The following MLLT3 variants were observed in gnomAD, a reference collection of about 807,000 sequenced individuals.
The protein encoded by MLLT3 is protein AF-9.
A neutral mutation model predicts 53.2 loss-of-function variants in MLLT3; 4 were observed. That is an observed-to-expected ratio of 0.08 (90% CI 0.04 to 0.17). The LOEUF (loss-of-function observed/expected upper bound fraction) is 0.17, where lower values mean the gene tolerates loss of function less well. MLLT3 is among the 10% of genes least tolerant of loss of function. The pLI is 1.00. For synonymous variants in MLLT3, 283 were observed against 230.6 expected (o/e 1.23, Z -2.06); for missense variants, 569 against 684.0 (o/e 0.83, Z 1.87).
At chr9:20,458,783 A>T (rs1246895836) in intron 2 of MLLT3, among the ~76,000 whole-genome samples, 1 of 152,198 alleles carries the variant, frequency 6.6e-6, no homozygotes, top group African/African-American at 2.4e-5. Flanking sequence ...TACTTTGTTA[A>T]AGCATCCTGA....
intron 2 of MLLT3, among the ~76,000 whole-genome samples, chr9:20,587,069 A>G (rs1587103109): frequency 2.0e-5 from 3 of 152,288 alleles, no homozygotes; most frequent in Admixed American, 2.0e-4. Flanking sequence ...ACAAAATAAA[A>G]GACTTGATTC....
intron 2 of MLLT3, among the ~76,000 whole-genome samples, chr9:20,501,094 G>C (rs1380185524): frequency 1.3e-5 from 2 of 152,110 alleles, no homozygotes; most frequent in Non-Finnish European, 1.5e-5. Context: ...ACCAATTATG[G>C]TTCATGGTAT....
intron 8 of MLLT3, among the ~76,000 whole-genome samples, chr9:20,358,736 G>C (rs1435720041): frequency 6.6e-6 from 1 of 151,746 alleles, no homozygotes; most frequent in Admixed American, 6.6e-5. Flanking sequence ...TGAGTGAGGG[G>C]CACAAAAGCA....
chr9:20,430,223 G>A (rs925197590), intron 4 of MLLT3, among the ~76,000 whole-genome samples: 7 of 151,968 alleles, frequency 4.6e-5, no homozygotes, highest in Admixed American at 4.6e-4. Context: ...TGAGAAACTA[G>A]GTTCATAGAT....
At chr9:20,527,301 T>C (rs1301007003) in intron 2 of MLLT3, among the ~76,000 whole-genome samples, 1 of 152,100 alleles carries the variant, frequency 6.6e-6, no homozygotes, top group Non-Finnish European at 1.5e-5. Context: ...AGCAGCAAAA[T>C]TCAACTCAGA....
chr9:20,448,395 G>C lies in MLLT3; in HGVS notation c.277-129C>G. 1.4e-6 allele frequency: 1 copy of C among 703,180 alleles called. No individual in the cohort carries two copies. Among genetic ancestry groups the C allele is most frequent in the Non-Finnish European group, 2.2e-6 (1 of 452,792 alleles). The allele number at this position is 703,180 out of a possible 1,614,324, so 43.6% of individuals were successfully genotyped here. A position where few individuals can be genotyped will look rare whatever the true frequency, so the allele number is the denominator to read the frequency against. ...ATCTAACAGCTAAACTGTCAAAGTA[G>C]TACTGGGAAAAAAAAAAGTATCATG... On this transcript the variant is annotated intron_variant, in intron 3 of 10. Transcript: ENST00000380338. The surrounding 1 kb of genome is among the most constrained non-coding windows in gnomAD (Gnocchi z 4.0).
chr9:20,438,057 T>C (rs776610327), intron 4 of MLLT3, among the ~76,000 whole-genome samples: 4 of 152,134 alleles, frequency 2.6e-5, no homozygotes, highest in South Asian at 2.1e-4. Context: ...TGCTGGACAA[T>C]AGTGTTATAA....
intron 2 of MLLT3, among the ~76,000 whole-genome samples, chr9:20,607,168 T>A (rs1820592070): frequency 2.0e-5 from 3 of 152,090 alleles, no homozygotes; most frequent in Non-Finnish European, 4.4e-5. Flanking sequence ...TCAAACCAGG[T>A]CTTCATATTG....
Position 20,571,335 on chromosome 9 carries a change from G to C in MLLT3, c.193+49319C>G, listed in dbSNP as rs74669773. Among the ~76,000 whole-genome samples, 286 of 152,218 alleles carry C rather than the reference G, an allele frequency of 1.9e-3. 1 individual carries two copies. Among genetic ancestry groups the C allele is most frequent in the African/African-American group, 6.5e-3 (272 of 41,544 alleles). ...CACACAAACAACACAGTGAAGTGAT[G>C]ACCTATTAATAGGAGAAAATATTTG... On this transcript the variant is annotated intron_variant, in intron 2 of 10. Transcript: ENST00000380338.
intron 2 of MLLT3, among the ~76,000 whole-genome samples, chr9:20,569,219 C>T (rs1819462077): frequency 6.6e-6 from 1 of 152,136 alleles, no homozygotes; most frequent in Admixed American, 6.6e-5. Flanking sequence ...TACTTATGTG[C>T]CTCCCATGGT....
At chr9:20,455,055 T>C (rs1051736045) in intron 3 of MLLT3, among the ~76,000 whole-genome samples, 2 of 151,882 alleles carry the variant, frequency 1.3e-5, no homozygotes, top group African/African-American at 4.8e-5. Context: ...ACAGAAGAAA[T>C]AAAAGAAAGC....
In MLLT3 at chr9:20,527,856, C is replaced by T. The variant is rs573372864; in HGVS notation, c.194-71070G>A. On this transcript the variant is annotated intron_variant, in intron 2 of 10. Transcript: ENST00000380338. ...CTAAAATACCTGTATTTCAGAATGA[C>T]ACCATTAATTCTGTAACATCTTAAG... 2.9e-4 allele frequency among the ~76,000 whole-genome samples: 44 copies of T among 152,286 alleles called. No homozygotes were observed. The South Asian group carries it at 5.2e-3, about 18-fold the overall frequency.
At chr9:20,585,100 G>A (rs1819916820) in intron 2 of MLLT3, among the ~76,000 whole-genome samples, 1 of 152,102 alleles carries the variant, frequency 6.6e-6, no homozygotes. Flanking sequence ...AAACTTGGTG[G>A]CTTAGTAATT....
intron 2 of MLLT3, among the ~76,000 whole-genome samples, chr9:20,463,587 C>A (rs988865711): frequency 2.0e-5 from 3 of 152,184 alleles, no homozygotes; most frequent in Non-Finnish European, 4.4e-5. Flanking sequence ...CTTCTCCTAG[C>A]AACTTCCCCC....
At chr9:20,388,543 G>T (rs1207560119) in intron 5 of MLLT3, among the ~76,000 whole-genome samples, 1 of 152,132 alleles carries the variant, frequency 6.6e-6, no homozygotes, top group Non-Finnish European at 1.5e-5. Context: ...AGCCGAGATC[G>T]TGCCACTGCA....
chr9:20,566,724 C>T (rs1819386115), intron 2 of MLLT3, among the ~76,000 whole-genome samples: 1 of 151,938 alleles, frequency 6.6e-6, no homozygotes, highest in Non-Finnish European at 1.5e-5. Context: ...CTGGGGACTT[C>T]AGAAACAAGG....
At chr9:20,547,028 G>A (rs1285118798) in intron 2 of MLLT3, among the ~76,000 whole-genome samples, 1 of 152,148 alleles carries the variant, frequency 6.6e-6, no homozygotes, top group Non-Finnish European at 1.5e-5. Flanking sequence ...TGCTGGCTCT[G>A]GGTCTCTTCT....
chr9:20,431,813 A>C (rs998022471), intron 4 of MLLT3, among the ~76,000 whole-genome samples: 19 of 152,196 alleles, frequency 1.2e-4, no homozygotes, highest in African/African-American at 4.3e-4. Context: ...AGTGAAATAG[A>C]CAATAATAAA....
chr9:20,405,419 T>G (rs1822554606), intron 5 of MLLT3, among the ~76,000 whole-genome samples: 1 of 152,214 alleles, frequency 6.6e-6, no homozygotes, highest in African/African-American at 2.4e-5. Context: ...TCAAAAGTGT[T>G]TAGTCAATAT....
Sources: gnomAD v4.1 joint callset for allele counts (sites outside exome capture counted in the v4.1 genomes callset) on GRCh38, gnomAD v4.1.1 for gene constraint, Gnocchi (gnomAD v3.1) non-coding constraint, MANE v1.5 for transcripts, NCBI Gene and HGNC (gene_info 2026-07-23, HGNC 2026-07-21) for gene names.